The following WAC variants were observed in gnomAD, a reference collection of about 807,000 sequenced individuals.
The protein encoded by WAC is WW domain-containing adapter protein with coiled-coil.
WAC carries 11 observed loss-of-function variants against 79.6 expected under a neutral mutation model. The ratio of observed to expected loss-of-function variants is 0.14; its 90% CI spans 0.09 to 0.23. WAC has a LOEUF of 0.23. Among genes scored for constraint, WAC ranks in the 10% least tolerant of loss-of-function variants. The probability of loss-of-function intolerance (pLI) is 1.00; values close to 1 mark genes in which losing one functional copy is unlikely to be tolerated. For synonymous variants in WAC, 304 were observed against 276.9 expected (o/e 1.10, Z -0.97); for missense variants, 728 against 773.5 (o/e 0.94, Z 0.70).
At chr10:28,539,676 A>G (rs1450402779) in intron 3 of WAC, among the ~76,000 whole-genome samples, 1 of 151,840 alleles carries the variant, frequency 6.6e-6, no homozygotes, top group South Asian at 2.1e-4. Flanking sequence ...CTTCTGCCTT[A>G]ATGTCCCAAG....
At chr10:28,601,585 C>T (rs1396469555) in intron 7 of WAC, among the ~76,000 whole-genome samples, 1 of 152,148 alleles carries the variant, frequency 6.6e-6, no homozygotes, top group Non-Finnish European at 1.5e-5. Context: ...AAGGCAGAGA[C>T]TCAAAACATG....
At chr10:28,614,145 G>A (rs1053434826) in intron 10 of WAC, among the ~76,000 whole-genome samples, 13 of 151,588 alleles carry the variant, frequency 8.6e-5, no homozygotes, top group Non-Finnish European at 5.9e-5. Flanking sequence ...TCGTTCTGTC[G>A]CCCAGGCGGG....
intron 1 of WAC, 180 bp from the exon 2 acceptor site, chr10:28,533,817 CA>C (rs2132293111): frequency 3.0e-6 from 3 of 999,104 alleles, no homozygotes; most frequent in Admixed American, 2.8e-5. Flanking sequence ...GGCTTCGCGG[CA>C]TTTCGCCCTC....
intron 3 of WAC, among the ~76,000 whole-genome samples, chr10:28,536,975 C>G (rs186063350): frequency 6.6e-6 from 1 of 152,118 alleles, no homozygotes; most frequent in East Asian, 1.9e-4. Context: ...AAAAAAAATA[C>G]CTTGCATCTT....
At position 28,543,649 on chromosome 10, in the gene WAC, T is replaced by C. The variant is rs568276544; in HGVS notation, c.274+7892T>C. Among the ~76,000 whole-genome samples the C allele has an allele frequency of 2.6e-5, 4 of 152,348 alleles. No homozygotes were observed. In the South Asian group the frequency reaches 8.3e-4, roughly 32 times the overall value. On this transcript the variant is annotated intron_variant, in intron 3 of 13. Coordinates refer to ENST00000354911, the MANE Select transcript of WAC (RefSeq NM_016628.5). ...AATGCCATATTTATGCAAAGCAAGA[T>C]TGGAGTTAATGGGTCCTTGAGCTAT...
intron 9 of WAC, chr10:28,611,262 T>C: frequency 7.7e-7 from 1 of 1,292,750 alleles, no homozygotes; most frequent in Non-Finnish European, 1.0e-6. Flanking sequence ...TAGATATCCC[T>C]CTTCATGAAG....
chr10:28,535,599 G>T lies in WAC; in HGVS notation c.116G>T (p.Gly39Val). ...TCATCGAAGAGTCACCCCAGTAGCG[G>T]TGATCACAGACATGAAAAGATGCGA... ...KYSSKSHPSS[G>V]DHRHEKMRDA... The change falls in exon 3 of 14, where the codon GGT (glycine) becomes GTT (valine). Residue 39 changes from glycine (G) to valine (V), a missense_variant. Transcript: ENST00000354911. The T allele has an allele frequency of 6.2e-7, 1 of 1,614,012 alleles. No individual in the cohort carries two copies. Among genetic ancestry groups the T allele is most frequent in the South Asian group, 1.1e-5 (1 of 91,084 alleles).
intron 9 of WAC, chr10:28,611,448 C>A: frequency 1.5e-6 from 2 of 1,323,750 alleles, no homozygotes; most frequent in Non-Finnish European, 2.0e-6. Flanking sequence ...ATACCTGGGC[C>A]TAAATGTAGA....
intron 3 of WAC, among the ~76,000 whole-genome samples, chr10:28,548,639 G>A (rs1218318398): frequency 6.6e-6 from 1 of 151,932 alleles, no homozygotes; most frequent in Non-Finnish European, 1.5e-5. Flanking sequence ...TTTTTTTCAT[G>A]TTAAATATAT....
intron 3 of WAC, among the ~76,000 whole-genome samples, chr10:28,546,275 T>C (rs1357049602): frequency 6.6e-6 from 1 of 152,214 alleles, no homozygotes; most frequent in Non-Finnish European, 1.5e-5. Flanking sequence ...GTACTTTGGT[T>C]ACGATGAAGA....
intron 7 of WAC, among the ~76,000 whole-genome samples, chr10:28,600,913 A>G (rs1476955578): frequency 2.0e-5 from 3 of 152,104 alleles, no homozygotes; most frequent in Admixed American, 6.5e-5. Flanking sequence ...AAAATTAGAG[A>G]AGAGCTGTTG....
intron 3 of WAC, among the ~76,000 whole-genome samples, chr10:28,582,353 G>A (rs966257747): frequency 6.6e-6 from 1 of 151,962 alleles, no homozygotes; most frequent in Non-Finnish European, 1.5e-5. Context: ...ATTTTCACTT[G>A]GATATCTAAA....
chr10:28,579,309 A>G (rs1010888062), intron 3 of WAC, among the ~76,000 whole-genome samples: 22 of 152,188 alleles, frequency 1.4e-4, no homozygotes, highest in Admixed American at 7.2e-4. Flanking sequence ...GTGTGACCCA[A>G]TGAAGCAATG....
At chr10:28,576,199 CATA>C (rs1401410506) in intron 3 of WAC, among the ~76,000 whole-genome samples, 1 of 152,136 alleles carries the variant, frequency 6.6e-6, no homozygotes, top group Non-Finnish European at 1.5e-5. Flanking sequence ...GTAATATATA[CATA>C]ATAACATATA....
intron 3 of WAC, among the ~76,000 whole-genome samples, chr10:28,559,136 A>ATGTG (rs111740298): frequency 0.019 from 2,854 of 146,696 alleles, 72 homozygotes; most frequent in East Asian, 0.072. Context: ...GAGAAACCTG[A>ATGTG]TGTGTGTGTG....
At chr10:28,615,303 T>C (rs1165043920) in intron 11 of WAC, 1 of 152,238 alleles carries the variant, frequency 6.6e-6, no homozygotes, top group African/African-American at 2.4e-5. Context: ...TCAACTGTTG[T>C]TTTTATTGTT....
At chr10:28,535,264 A>G (rs566113492) in intron 2 of WAC, 24 of 219,752 alleles carry the variant, frequency 1.1e-4, no homozygotes, top group Non-Finnish European at 1.3e-4. Flanking sequence ...ATGATTCTAA[A>G]TATTCTCAGC....
At chr10:28,556,866 G>A (rs332126) in intron 3 of WAC, among the ~76,000 whole-genome samples, 127,247 of 152,134 alleles carry the variant, frequency 0.84, 53,346 homozygotes, top group East Asian at 0.94. Context: ...TTATTTGACC[G>A]TGGAAGCATG....
chr10:28,551,651 C>G (rs1465014710), intron 3 of WAC, among the ~76,000 whole-genome samples: 1 of 151,986 alleles, frequency 6.6e-6, no homozygotes, highest in Non-Finnish European at 1.5e-5. Flanking sequence ...ATGGTTAAAC[C>G]CATCCCCAAT....
Sources: gnomAD v4.1 joint callset for allele counts (sites outside exome capture counted in the v4.1 genomes callset) on GRCh38, gnomAD v4.1.1 for gene constraint, MANE v1.5 for transcripts, NCBI Gene and HGNC (gene_info 2026-07-23, HGNC 2026-07-21) for gene names.